The following GPHN variants were observed in gnomAD, a reference collection of about 807,000 sequenced individuals.
GPHN encodes gephyrin.
Under a neutral mutation model 95.5 loss-of-function variants are expected in GPHN, and 17 were observed. The observed-to-expected ratio is 0.18, with a 90% CI of 0.12 to 0.27. The LOEUF is 0.27. GPHN is among the 10% of genes least tolerant of loss of function. The probability of loss-of-function intolerance (pLI) is 1.00; values close to 1 mark genes in which losing one functional copy is unlikely to be tolerated. For synonymous variants in GPHN, 320 were observed against 322.5 expected (o/e 0.99, Z 0.08); for missense variants, 660 against 978.1 (o/e 0.67, Z 4.34).
At chr14:67,178,356 A>T (rs1020097583) in intron 21 of GPHN, among the ~76,000 whole-genome samples, 4 of 152,184 alleles carry the variant, frequency 2.6e-5, no homozygotes, top group African/African-American at 9.7e-5. Context: ...CTGGGTTGAA[A>T]ATTCTTTTCT....
Position 67,111,902 on chromosome 14 carries a change from G to A in GPHN, c.1455G>A (p.Arg485=). 6.2e-7 allele frequency: 1 copy of A among 1,612,684 alleles called. No homozygotes were observed. Among genetic ancestry groups the A allele is most frequent in the Non-Finnish European group, 8.5e-7 (1 of 1,178,754 alleles). Residue 485 remains arginine, a synonymous_variant, in exon 15 of 23, where the codon CGG becomes CGA. Coordinates refer to ENST00000478722, the MANE Select transcript of GPHN (RefSeq NM_020806.5). ...ELEVRILVQA[R]PGQDIRPIGH... is the part of the protein sequence containing the mutation. Reference sequence around the variant, plus strand: ...AAGTGCGAATTCTGGTGCAAGCTCGGCCAGGCCAAGATATCAGGTAACTTC... The same window carrying A: ...AAGTGCGAATTCTGGTGCAAGCTCGACCAGGCCAAGATATCAGGTAACTTC...
At chr14:66,772,345 A>G (rs926590813) in intron 2 of GPHN, among the ~76,000 whole-genome samples, 27 of 152,324 alleles carry the variant, frequency 1.8e-4, no homozygotes, top group African/African-American at 6.3e-4. Flanking sequence ...CCTGCTTTTA[A>G]TCTTTGACCT....
chr14:66,549,755 T>A (rs2059746548), intron 1 of GPHN, among the ~76,000 whole-genome samples: 3 of 152,150 alleles, frequency 2.0e-5, no homozygotes, highest in African/African-American at 7.2e-5. Context: ...AGTCTCTCAT[T>A]AGGGGTTAAT....
intron 9 of GPHN, among the ~76,000 whole-genome samples, chr14:66,966,537 AG>A (rs1186303327): frequency 7.2e-5 from 11 of 152,224 alleles, no homozygotes; most frequent in African/African-American, 2.6e-4. Flanking sequence ...AATGCATAAA[AG>A]CAAGGAATTC....
chr14:67,414,268 C>A, the GPHN span, among the ~76,000 whole-genome samples: 11 of 152,212 alleles, frequency 7.2e-5, no homozygotes, highest in Non-Finnish European at 1.5e-4. Flanking sequence ...ACACCTAGAA[C>A]CTGCTTCCTG....
the GPHN span, among the ~76,000 whole-genome samples, chr14:67,430,105 C>A: frequency 3.9e-5 from 6 of 152,174 alleles, no homozygotes; most frequent in African/African-American, 1.4e-4. Context: ...GGAGCCCGAA[C>A]CTGGCTATGC....
chr14:67,171,284 T>C (rs915376393), intron 21 of GPHN, among the ~76,000 whole-genome samples: 1 of 152,036 alleles, frequency 6.6e-6, no homozygotes, highest in Non-Finnish European at 1.5e-5. Context: ...AACAAACATT[T>C]CCCTTATTTC....
intron 2 of GPHN, among the ~76,000 whole-genome samples, chr14:66,703,567 C>T (rs1477667998): frequency 2.7e-5 from 3 of 110,274 alleles, no homozygotes; most frequent in Non-Finnish European, 4.9e-5. Context: ...AAAGGAGATC[C>T]TTTCCAGAGA....
At chr14:66,804,380 C>T (rs978058161) in intron 3 of GPHN, among the ~76,000 whole-genome samples, 1 of 152,210 alleles carries the variant, frequency 6.6e-6, no homozygotes, top group South Asian at 2.1e-4. Context: ...TTTGGTCAGA[C>T]TTACTTCCCT....
intron 1 of GPHN, among the ~76,000 whole-genome samples, chr14:66,621,734 T>C (rs1394506693): frequency 6.6e-6 from 1 of 152,218 alleles, no homozygotes; most frequent in Non-Finnish European, 1.5e-5. Flanking sequence ...CTGTGAAATC[T>C]TAAAGCTCCA....
At chr14:67,206,322 AC>A in the GPHN span, among the ~76,000 whole-genome samples, 1 of 151,832 alleles carries the variant, frequency 6.6e-6, no homozygotes, top group South Asian at 2.1e-4. Flanking sequence ...ACATGGCAAA[AC>A]CCTGTCTCTA....
chr14:66,625,183 A>G (rs371671973), intron 1 of GPHN, among the ~76,000 whole-genome samples: 4 of 151,992 alleles, frequency 2.6e-5, no homozygotes, highest in Non-Finnish European at 4.4e-5. Flanking sequence ...GTCTCAAGCA[A>G]TCCTCTCTCC....
the GPHN span, among the ~76,000 whole-genome samples, chr14:67,466,952 G>T: frequency 7.5e-6 from 1 of 134,042 alleles, no homozygotes; most frequent in African/African-American, 2.8e-5. Context: ...CCGAGATCGC[G>T]CCACTGCACT....
At chr14:67,731,899 G>A in the GPHN span, among the ~76,000 whole-genome samples, 1 of 151,902 alleles carries the variant, frequency 6.6e-6, no homozygotes, top group Non-Finnish European at 1.5e-5. Flanking sequence ...GGCTGAGGTG[G>A]GTGGATCACT....
chr14:67,453,312 T>A, the GPHN span, among the ~76,000 whole-genome samples: 2,100 of 152,202 alleles, frequency 0.014, 56 homozygotes, highest in African/African-American at 0.048. Flanking sequence ...CTGCCAGCCA[T>A]TGTGCAAAGG....
At chr14:67,638,362 A>G in the GPHN span, among the ~76,000 whole-genome samples, 1 of 120,490 alleles carries the variant, frequency 8.3e-6, no homozygotes, top group African/African-American at 3.7e-5. Context: ...TGTCTCTACA[A>G]ATAATCCAAA....
intron 17 of GPHN, among the ~76,000 whole-genome samples, chr14:67,141,531 T>C (rs1250386191): frequency 6.6e-6 from 1 of 152,208 alleles, no homozygotes; most frequent in African/African-American, 2.4e-5. Flanking sequence ...TATGTATTAA[T>C]AGGATGTCAT....
At chr14:66,568,527 TTTGA>T (rs1183070031) in intron 1 of GPHN, among the ~76,000 whole-genome samples, 4 of 152,088 alleles carry the variant, frequency 2.6e-5, no homozygotes, top group African/African-American at 9.6e-5. Flanking sequence ...TATTTTTAAA[TTTGA>T]TTGCTGCTTT....
chr14:67,583,860 T>G, the GPHN span: 1 of 1,613,672 alleles, frequency 6.2e-7, no homozygotes, highest in Non-Finnish European at 8.5e-7. Context: ...GCTATAGACA[T>G]GGGGCCCCCG....
Sources: gnomAD v4.1 joint callset for allele counts (sites outside exome capture counted in the v4.1 genomes callset) on GRCh38, gnomAD v4.1.1 for gene constraint, MANE v1.5 for transcripts, NCBI Gene and HGNC (gene_info 2026-07-23, HGNC 2026-07-21) for gene names.